Variants in EDA observed in about 807,000 individuals in gnomAD.
The protein encoded by EDA is ectodysplasin-A.
EDA carries 2 observed loss-of-function variants against 23.6 expected under a neutral mutation model. The observed-to-expected ratio is 0.08, with a 90% confidence interval of 0.03 to 0.27. EDA has a LOEUF of 0.27. EDA is among the 10% of genes least tolerant of loss of function. The pLI is 1.00. For synonymous variants in EDA, 131 were observed against 132.0 expected (o/e 0.99, Z 0.05); for missense variants, 229 against 324.2 (o/e 0.71, Z 2.26).
chrX:69,949,262 A>C (rs777367439), intron 1 of EDA, among the ~76,000 whole-genome samples: 6 of 112,216 alleles, frequency 5.3e-5, no homozygotes, highest in Non-Finnish European at 1.1e-4. Flanking sequence ...GATAGAAGAA[A>C]AGGTGAAAAA....
intron 1 of EDA, among the ~76,000 whole-genome samples, chrX:69,691,219 C>T (rs192234953): frequency 9.0e-6 from 1 of 111,538 alleles, no homozygotes; most frequent in East Asian, 2.8e-4. Flanking sequence ...TAAAATGGGG[C>T]GATATGGCTT....
chrX:69,734,395 A>T (rs1317226576), intron 1 of EDA, among the ~76,000 whole-genome samples: 1 of 111,665 alleles, frequency 9.0e-6, no homozygotes. Flanking sequence ...TTGTGATTTG[A>T]TTAAAAACAG....
chrX:69,786,363 G>C (rs2015173544), intron 1 of EDA, among the ~76,000 whole-genome samples: 1 of 106,150 alleles, frequency 9.4e-6, no homozygotes, highest in Non-Finnish European at 1.9e-5. Context: ...TGCTTTTCTA[G>C]TTCTTTTAAT....
chrX:70,012,489 T>C (rs762932589), intron 2 of EDA, among the ~76,000 whole-genome samples: 1 of 112,013 alleles, frequency 8.9e-6, no homozygotes, highest in African/African-American at 3.2e-5. Flanking sequence ...GTGTTGAAAA[T>C]AATAAGAATT....
chrX:69,755,180 C>T (rs999594021), intron 1 of EDA, among the ~76,000 whole-genome samples: 4 of 111,622 alleles, frequency 3.6e-5, no homozygotes, highest in Non-Finnish European at 7.5e-5. Flanking sequence ...GGTTTCTCCC[C>T]GTCTTTGTGG....
chrX:69,925,126 A>G lies in EDA; in HGVS notation c.397-31901A>G, dbSNP rs2018494093. On this transcript the variant is annotated intron_variant, in intron 1 of 7. Coordinates refer to ENST00000374552, the MANE Select transcript of EDA (RefSeq NM_001399.5). ...AGACAATCTGACTTCCTCTCTTCTT[A>G]TTTGAATACCCTTATTTCTTTCTCT... 2.7e-5 allele frequency among the ~76,000 whole-genome samples: 3 copies of G among 111,502 alleles called. No homozygotes were observed. In the South Asian group the frequency reaches 1.1e-3, roughly 42 times the overall value.
chrX:69,841,401 C>CT (rs1394728704), intron 1 of EDA, among the ~76,000 whole-genome samples: 1 of 111,798 alleles, frequency 8.9e-6, no homozygotes, highest in African/African-American at 3.2e-5. Flanking sequence ...ATTTTCTTTT[C>CT]TTTTTTGTGA....
chrX:69,689,630 C>T (rs1934649718), intron 1 of EDA, among the ~76,000 whole-genome samples: 2 of 95,179 alleles, frequency 2.1e-5, no homozygotes, highest in Admixed American at 2.2e-4. Flanking sequence ...CCACCGCGCC[C>T]GGCCCAACTT....
intron 1 of EDA, among the ~76,000 whole-genome samples, chrX:69,825,512 G>A (rs1302195747): frequency 3.6e-5 from 4 of 111,656 alleles, no homozygotes; most frequent in African/African-American, 1.3e-4. Context: ...TTCTCTGATG[G>A]TAGTTTGTAT....
At chrX:69,700,701 G>A (rs2011511112) in intron 1 of EDA, among the ~76,000 whole-genome samples, 2 of 111,273 alleles carry the variant, frequency 1.8e-5, no homozygotes, top group Admixed American at 9.6e-5. Flanking sequence ...ATGCGGACAG[G>A]AGTGTGGTGT....
rs923954481 is a variant in EDA, at chrX:70,037,542, C to T, written c.*1933C>T. The T allele has an allele frequency of 5.3e-5, 6 of 112,156 alleles. No individual in the cohort carries two copies. The Admixed American group carries it at 5.6e-4, about 11-fold the overall frequency. 9.2% of individuals were successfully genotyped at this position (112,156 alleles called of 1,213,427 possible). On this transcript the variant is annotated 3_prime_UTR_variant, in exon 8 of 8. Coordinates refer to ENST00000374552, the MANE Select transcript of EDA (RefSeq NM_001399.5). ...CAAACATCATTGTTTAGATGAGGCT[C>T]AGAGAGGTAGCACTCTCAGAGTGTT...
chrX:69,709,743 C>T (rs559380739), intron 1 of EDA, among the ~76,000 whole-genome samples: 4 of 112,148 alleles, frequency 3.6e-5, no homozygotes, highest in South Asian at 7.4e-4. Context: ...GATCCTCTCA[C>T]CTCAACCTCC....
At chrX:70,015,341 C>T (rs778256938) in intron 2 of EDA, among the ~76,000 whole-genome samples, 12 of 111,700 alleles carry the variant, frequency 1.1e-4, no homozygotes, top group Non-Finnish European at 2.1e-4. Context: ...GGGAGGCCAA[C>T]GCGGGTGGAT....
At chrX:69,755,969 T>C (rs1278880633) in intron 1 of EDA, among the ~76,000 whole-genome samples, 1 of 112,129 alleles carries the variant, frequency 8.9e-6, no homozygotes, top group Non-Finnish European at 1.9e-5. Flanking sequence ...CTGTCACAGC[T>C]TCCCTTTGCT....
chrX:69,833,096 G>A (rs2016662282), intron 1 of EDA, among the ~76,000 whole-genome samples: 1 of 111,722 alleles, frequency 9.0e-6, no homozygotes, highest in African/African-American at 3.3e-5. Flanking sequence ...AGTGGTGAGA[G>A]AGGGCATCCC....
intron 2 of EDA, among the ~76,000 whole-genome samples, chrX:70,022,308 G>A (rs1427677845): frequency 9.1e-6 from 1 of 109,386 alleles, no homozygotes; most frequent in Non-Finnish European, 1.9e-5. Context: ...TGGTTGACAT[G>A]TCTTATTTTA....
At chrX:69,965,930 C>T (rs1245052649) in intron 2 of EDA, among the ~76,000 whole-genome samples, 2 of 110,434 alleles carry the variant, frequency 1.8e-5, no homozygotes, top group Non-Finnish European at 3.8e-5. Flanking sequence ...ACCTGTAGTC[C>T]CAGCTGCATG....
At chrX:69,884,167 A>T (rs1037655707) in intron 1 of EDA, among the ~76,000 whole-genome samples, 11 of 111,974 alleles carry the variant, frequency 9.8e-5, no homozygotes, top group African/African-American at 3.6e-4. Flanking sequence ...CAAAATATAG[A>T]TAGTAGTAGT....
chrX:70,036,382 T>C lies in EDA; in HGVS notation c.*773T>C, dbSNP rs2020267645. 2.7e-5 allele frequency: 3 copies of C among 111,973 alleles called. No individual in the cohort carries two copies. The highest frequency in any genetic ancestry group is 9.8e-5 in the African/African-American group (3 of 30,664). The allele number at this position is 111,973 out of a possible 1,213,427, so 9.2% of individuals were successfully genotyped here. ...CAGCTGTGCTCCACACTCAGAAAAT[T>C]CCCTGGGGTCACCTTCTAGTTGCCC... On this transcript the variant is annotated 3_prime_UTR_variant, in exon 8 of 8. Coordinates refer to ENST00000374552, the MANE Select transcript of EDA (RefSeq NM_001399.5).
Sources: gnomAD v4.1 joint callset for allele counts (sites outside exome capture counted in the v4.1 genomes callset) on GRCh38, gnomAD v4.1.1 for gene constraint, MANE v1.5 for transcripts, NCBI Gene and HGNC (gene_info 2026-07-23, HGNC 2026-07-21) for gene names.